The following DOCK3 variants were observed in gnomAD, a reference collection of about 807,000 sequenced individuals.
DOCK3 encodes the protein dedicator of cytokinesis 3, also known as dedicator of cytokinesis protein 3.
In DOCK3, 60 loss-of-function variants were observed where a neutral mutation model predicts 265.6. That is an observed-to-expected ratio of 0.23 (90% CI 0.18 to 0.28). The LOEUF is 0.28. Among genes scored for constraint, DOCK3 ranks in the 10% least tolerant of loss-of-function variants. The probability of loss-of-function intolerance (pLI) is 1.00; values close to 1 mark genes in which losing one functional copy is unlikely to be tolerated. For missense variants in DOCK3, 1,981 were observed against 2,594.3 expected (o/e 0.76, Z 5.14); for synonymous variants, 881 against 938.0 (o/e 0.94, Z 1.11).
At chr3:50,973,303 A>C (rs2077315507) in intron 5 of DOCK3, among the ~76,000 whole-genome samples, 2 of 133,230 alleles carry the variant, frequency 1.5e-5, no homozygotes. Flanking sequence ...CCCACCCCAA[A>C]ACAGTCCCCA....
intron 1 of DOCK3, among the ~76,000 whole-genome samples, chr3:50,709,809 A>C (rs2036641742): frequency 6.6e-6 from 1 of 152,134 alleles, no homozygotes; most frequent in Admixed American, 6.6e-5. Flanking sequence ...CTGGGTGACA[A>C]GAGTGAGACT....
intron 13 of DOCK3, among the ~76,000 whole-genome samples, chr3:51,212,680 G>C (rs1269571462): frequency 1.3e-5 from 2 of 152,100 alleles, no homozygotes; most frequent in African/African-American, 4.8e-5. Flanking sequence ...CTGGCTCCCA[G>C]GCTTTCAGGT....
intron 12 of DOCK3, among the ~76,000 whole-genome samples, chr3:51,185,350 A>G (rs1190765933): frequency 6.6e-6 from 1 of 152,156 alleles, no homozygotes; most frequent in Admixed American, 6.5e-5. Flanking sequence ...AAATTCTTAT[A>G]AAGAGTGCAA....
At chr3:51,225,834 C>G in intron 15 of DOCK3, 61 bp downstream of exon 15, 1 of 1,546,628 alleles carries the variant, frequency 6.5e-7, no homozygotes. Flanking sequence ...TCTCTGTGGA[C>G]TTTATCCAGA....
chr3:50,707,990 C>G (rs1206233218), intron 1 of DOCK3, among the ~76,000 whole-genome samples: 1 of 152,078 alleles, frequency 6.6e-6, no homozygotes, highest in Non-Finnish European at 1.5e-5. Flanking sequence ...GGGGTGGCCC[C>G]CTTTTTATGC....
At chr3:51,154,016 T>C (rs2085733523) in intron 10 of DOCK3, among the ~76,000 whole-genome samples, 1 of 152,218 alleles carries the variant, frequency 6.6e-6, no homozygotes, top group Admixed American at 6.5e-5. Context: ...TTATGGTGTG[T>C]GATTGATGGG....
chr3:51,144,616 T>C (rs1236549596), intron 9 of DOCK3, among the ~76,000 whole-genome samples: 1 of 152,224 alleles, frequency 6.6e-6, no homozygotes, highest in Non-Finnish European at 1.5e-5. Flanking sequence ...CTTATTCCCA[T>C]TTGTTCCCCT....
At chr3:50,804,861 G>C (rs564040061) in intron 2 of DOCK3, among the ~76,000 whole-genome samples, 1 of 152,328 alleles carries the variant, frequency 6.6e-6, no homozygotes, top group African/African-American at 2.4e-5. Context: ...TTCTTCAGCT[G>C]TAGGATTTTT....
At chr3:51,100,650 A>C (rs1282673897) in intron 9 of DOCK3, among the ~76,000 whole-genome samples, 1 of 152,244 alleles carries the variant, frequency 6.6e-6, no homozygotes, top group Non-Finnish European at 1.5e-5. Context: ...ATTCACCATT[A>C]AAACAAAAAT....
chr3:50,969,257 G>C (rs900149322), intron 5 of DOCK3, among the ~76,000 whole-genome samples: 1 of 151,992 alleles, frequency 6.6e-6, no homozygotes, highest in Non-Finnish European at 1.5e-5. Flanking sequence ...TATTGTTGTT[G>C]ATTTGAAGTC....
At chr3:50,973,177 G>C (rs1478628987) in intron 5 of DOCK3, among the ~76,000 whole-genome samples, 1 of 135,318 alleles carries the variant, frequency 7.4e-6, no homozygotes, top group Non-Finnish European at 1.6e-5. Context: ...TAGGGTATGT[G>C]TGCACATTGT....
chr3:51,119,103 G>T (rs1271208223), intron 9 of DOCK3, among the ~76,000 whole-genome samples: 1 of 152,152 alleles, frequency 6.6e-6, no homozygotes, highest in African/African-American at 2.4e-5. Flanking sequence ...TTTTGCAGTG[G>T]CTGATACCGG....
At chr3:51,126,491 G>A (rs984363534) in intron 9 of DOCK3, among the ~76,000 whole-genome samples, 1 of 152,194 alleles carries the variant, frequency 6.6e-6, no homozygotes, top group African/African-American at 2.4e-5. Flanking sequence ...GGAAGGGAAG[G>A]TCAGTCTTCT....
At chr3:50,785,344 C>T (rs1026181522) in intron 2 of DOCK3, among the ~76,000 whole-genome samples, 8 of 152,104 alleles carry the variant, frequency 5.3e-5, no homozygotes, top group Admixed American at 1.3e-4. Context: ...GCTAGGACTT[C>T]CAGTACTATG....
intron 3 of DOCK3, among the ~76,000 whole-genome samples, chr3:50,872,821 C>T (rs1575413564): frequency 6.6e-6 from 1 of 152,324 alleles, no homozygotes; most frequent in East Asian, 1.9e-4. Flanking sequence ...TGGCTCCTGC[C>T]ATCACAGGCC....
intron 2 of DOCK3, among the ~76,000 whole-genome samples, chr3:50,822,364 T>C (rs1486134171): frequency 1.3e-5 from 2 of 150,326 alleles, no homozygotes; most frequent in Non-Finnish European, 3.0e-5. Flanking sequence ...TTTTGTATCC[T>C]TAAACTTTGA....
intron 1 of DOCK3, among the ~76,000 whole-genome samples, chr3:50,681,614 A>G (rs1355210634): frequency 4.6e-5 from 7 of 152,166 alleles, no homozygotes; most frequent in Admixed American, 2.6e-4. Context: ...TACATCACCA[A>G]ATTATTTTAG....
intron 32 of DOCK3, among the ~76,000 whole-genome samples, chr3:51,324,948 A>G (rs2083995822): frequency 6.6e-6 from 1 of 152,150 alleles, no homozygotes; most frequent in African/African-American, 2.4e-5. Context: ...AATATAAGAC[A>G]TAAAACCTTA....
At chr3:51,049,371 G>A (rs1327194714) in intron 5 of DOCK3, among the ~76,000 whole-genome samples, 1 of 152,052 alleles carries the variant, frequency 6.6e-6, no homozygotes, top group African/African-American at 2.4e-5. Flanking sequence ...ATTACTTACA[G>A]TGTATTTTAA....
Sources: gnomAD v4.1 joint callset for allele counts (sites outside exome capture counted in the v4.1 genomes callset) on GRCh38, gnomAD v4.1.1 for gene constraint, MANE v1.5 for transcripts, NCBI Gene and HGNC (gene_info 2026-07-23, HGNC 2026-07-21) for gene names.